Variants in TAFA5 observed in about 807,000 individuals in gnomAD.
TAFA5 encodes TAFA chemokine like family member 5.
In TAFA5, 6 loss-of-function variants were observed where a neutral mutation model predicts 15.3. The ratio of observed to expected loss-of-function variants is 0.39; its 90% CI spans 0.21 to 0.77. The LOEUF (loss-of-function observed/expected upper bound fraction) is 0.77. TAFA5 is among the 30% of genes least tolerant of loss of function. The probability of loss-of-function intolerance (pLI) is 0.41; values close to 1 mark genes in which losing one functional copy is unlikely to be tolerated. For missense variants in TAFA5, 161 were observed against 193.1 expected (o/e 0.83, Z 0.98); for synonymous variants, 103 against 80.7 (o/e 1.28, Z -1.48).
At chr22:48,677,597 C>T (rs2147226803) in intron 2 of TAFA5, among the ~76,000 whole-genome samples, 1 of 152,320 alleles carries the variant, frequency 6.6e-6, no homozygotes, top group East Asian at 1.9e-4. Flanking sequence ...CCTCCTGGGC[C>T]CATCTGCCTG....
chr22:48,726,357 G>C (rs116304080), intron 3 of TAFA5, among the ~76,000 whole-genome samples: 1 of 152,184 alleles, frequency 6.6e-6, no homozygotes, highest in South Asian at 2.1e-4. Context: ...CTGGAGGTGG[G>C]GGGCACTTAC....
At chr22:48,627,893 C>CG (rs1275265506) in intron 1 of TAFA5, among the ~76,000 whole-genome samples, 2 of 152,318 alleles carry the variant, frequency 1.3e-5, no homozygotes, top group Admixed American at 1.3e-4. Context: ...CCAGCAAGGA[C>CG]GGGGGGTTGC....
intron 1 of TAFA5, chr22:48,546,622 C>T (rs578091915): frequency 8.5e-5 from 40 of 470,954 alleles, no homozygotes; most frequent in African/African-American, 4.0e-4. Context: ...ATCAAGAGTG[C>T]GTGAGGGCAT....
intron 3 of TAFA5, among the ~76,000 whole-genome samples, chr22:48,746,908 C>T (rs1930344497): frequency 6.6e-6 from 1 of 152,196 alleles, no homozygotes; most frequent in Non-Finnish European, 1.5e-5. Context: ...AGCTCACCAG[C>T]CTGATGGGTA....
At chr22:48,553,931 G>A (rs1010219459) in intron 1 of TAFA5, among the ~76,000 whole-genome samples, 2 of 152,232 alleles carry the variant, frequency 1.3e-5, no homozygotes, top group East Asian at 3.8e-4. Context: ...CTGGCCAAGC[G>A]TGGACACTGT....
chr22:48,688,752 AG>A (rs1376667253), intron 2 of TAFA5, among the ~76,000 whole-genome samples: 1 of 152,194 alleles, frequency 6.6e-6, no homozygotes, highest in African/African-American at 2.4e-5. Context: ...GCACTTTGGG[AG>A]GCCAAGGCTG....
chr22:48,516,115 A>T (rs912309315), intron 1 of TAFA5, among the ~76,000 whole-genome samples: 2 of 152,056 alleles, frequency 1.3e-5, no homozygotes, highest in African/African-American at 4.8e-5. Context: ...CAGCTTTCTG[A>T]TTGGCCCGGC....
At chr22:48,680,662 C>T (rs1203695921) in intron 2 of TAFA5, among the ~76,000 whole-genome samples, 6 of 152,234 alleles carry the variant, frequency 3.9e-5, no homozygotes, top group Non-Finnish European at 8.8e-5. Flanking sequence ...TGCCAGGCCC[C>T]TTGTGCATGC....
intron 2 of TAFA5, among the ~76,000 whole-genome samples, chr22:48,701,945 A>T (rs1928920635): frequency 1.3e-5 from 2 of 152,058 alleles, no homozygotes; most frequent in African/African-American, 4.8e-5. Context: ...GGGGCCTTGG[A>T]GCGGGAGCTG....
chr22:48,708,735 G>A (rs1569088808), intron 3 of TAFA5, among the ~76,000 whole-genome samples: 1 of 152,230 alleles, frequency 6.6e-6, no homozygotes, highest in Non-Finnish European at 1.5e-5. Context: ...TCTGGGAATA[G>A]GTCAGGGAGA....
At chr22:48,655,266 G>A (rs4925395) in intron 2 of TAFA5, among the ~76,000 whole-genome samples, 119,461 of 152,150 alleles carry the variant, frequency 0.79, 47,064 homozygotes, top group East Asian at 0.91. Flanking sequence ...ACTCTTCTGC[G>A]GGAAAAGCTT....
In TAFA5 at chr22:48,490,130, G is replaced by C. The variant is rs945998580; in HGVS notation, c.112+426G>C. 2.6e-5 allele frequency among the ~76,000 whole-genome samples: 4 copies of C among 152,146 alleles called. No homozygotes were observed. Among genetic ancestry groups the C allele is most frequent in the African/African-American group, 9.7e-5 (4 of 41,448 alleles). ...TCCCCGTGCCTCAGCCCGGGACAAG[G>C]GGGGAGGCGGCGGCCGAGCCCGGAG... On this transcript the variant is annotated intron_variant, in intron 1 of 3. Transcript: ENST00000402357. This position sits in a 1 kb window ranked among gnomAD's most constrained non-coding sequence, Gnocchi z 5.8.
intron 1 of TAFA5, among the ~76,000 whole-genome samples, chr22:48,580,994 C>T (rs545629095): frequency 2.7e-3 from 407 of 152,324 alleles, no homozygotes; most frequent in Non-Finnish European, 3.4e-3. Flanking sequence ...GACCCTCCAG[C>T]AGACGCTGTT....
At chr22:48,727,004 G>A (rs1195751185) in intron 3 of TAFA5, among the ~76,000 whole-genome samples, 1 of 152,120 alleles carries the variant, frequency 6.6e-6, no homozygotes, top group East Asian at 1.9e-4. Flanking sequence ...GTCACTCTCA[G>A]GGTATGCTTA....
chr22:48,651,975 ACTT>A (rs979023595), intron 2 of TAFA5, among the ~76,000 whole-genome samples: 8 of 152,120 alleles, frequency 5.3e-5, no homozygotes, highest in Admixed American at 1.3e-4. Flanking sequence ...GAGGGAAGTC[ACTT>A]CTTCTCTTGC....
At chr22:48,576,620 C>T (rs759494187) in intron 1 of TAFA5, 7 of 1,329,178 alleles carry the variant, frequency 5.3e-6, no homozygotes, top group Admixed American at 6.3e-5. Context: ...CTGCCCGGCT[C>T]GCGGCGGCTC....
At chr22:48,508,708 T>C (rs1921101426) in intron 1 of TAFA5, among the ~76,000 whole-genome samples, 1 of 152,224 alleles carries the variant, frequency 6.6e-6, no homozygotes, top group Admixed American at 6.5e-5. Flanking sequence ...ATGGTACATA[T>C]TTATAGGTGC....
At chr22:48,545,226 A>C in intron 1 of TAFA5, 1 of 277,706 alleles carries the variant, frequency 3.6e-6, no homozygotes, top group Non-Finnish European at 7.2e-6. Context: ...TGCCATCCAG[A>C]CCGTGCCATG....
At chr22:48,539,386 A>T (rs1450862264) in intron 1 of TAFA5, 1 of 471,098 alleles carries the variant, frequency 2.1e-6, no homozygotes, top group Admixed American at 2.3e-5. Context: ...GGCGGTGATC[A>T]CTCTGAAGTG....
Sources: gnomAD v4.1 joint callset for allele counts (sites outside exome capture counted in the v4.1 genomes callset) on GRCh38, gnomAD v4.1.1 for gene constraint, Gnocchi (gnomAD v3.1) non-coding constraint, MANE v1.5 for transcripts, NCBI Gene and HGNC (gene_info 2026-07-23, HGNC 2026-07-21) for gene names.